The following ARHGAP15 variants were observed in gnomAD, a reference collection of about 807,000 sequenced individuals.
The protein encoded by ARHGAP15 is Rho GTPase activating protein 15, also known as rho GTPase-activating protein 15.
In ARHGAP15, 51 loss-of-function variants were observed where a neutral mutation model predicts 63.7. The ratio of observed to expected loss-of-function variants is 0.80; its 90% CI spans 0.64 to 1.01. The LOEUF (loss-of-function observed/expected upper bound fraction) is 1.01, where lower values mean the gene tolerates loss of function less well. Ranked by LOEUF, ARHGAP15 falls within the 50% of genes least tolerant of loss-of-function variation. The pLI is 0.00. For synonymous variants in ARHGAP15, 191 were observed against 193.8 expected, an observed-to-expected ratio of 0.99 and a Z score of 0.12; for missense variants, 560 against 564.6, an observed-to-expected ratio of 0.99 and a Z score of 0.08.
intron 6 of ARHGAP15, among the ~76,000 whole-genome samples, chr2:143,307,378 T>G (rs1683222706): frequency 6.6e-6 from 1 of 152,164 alleles, no homozygotes; most frequent in Admixed American, 6.6e-5. Flanking sequence ...GGTTATAATT[T>G]TGGATACCAT....
chr2:143,627,336 A>G (rs2105247232), intron 12 of ARHGAP15, among the ~76,000 whole-genome samples: 1 of 152,306 alleles, frequency 6.6e-6, no homozygotes, highest in Admixed American at 6.5e-5. Context: ...AGAGACGTAC[A>G]TTTACTAACC....
intron 13 of ARHGAP15, among the ~76,000 whole-genome samples, chr2:143,746,171 G>A (rs988979158): frequency 3.3e-5 from 5 of 151,978 alleles, no homozygotes; most frequent in East Asian, 1.9e-4. Context: ...TTTTCAACAC[G>A]AACCTCATGA....
intron 12 of ARHGAP15, chr2:143,648,725 T>C (rs796761399): frequency 2.6e-5 from 4 of 152,128 alleles, no homozygotes; most frequent in African/African-American, 4.8e-5. Flanking sequence ...GTATCCAGTA[T>C]GGTAGCAGAG....
chr2:143,409,493 C>T (rs971234241), intron 6 of ARHGAP15, among the ~76,000 whole-genome samples: 13 of 151,924 alleles, frequency 8.6e-5, no homozygotes, highest in Admixed American at 5.9e-4. Context: ...TTCATGTTAA[C>T]GTTACATGAT....
At chr2:143,688,019 A>C (rs1683426720) in intron 12 of ARHGAP15, among the ~76,000 whole-genome samples, 1 of 152,220 alleles carries the variant, frequency 6.6e-6, no homozygotes, top group East Asian at 1.9e-4. Flanking sequence ...TTTACAGAAA[A>C]GTGAAAAGAA....
At chr2:143,557,804 A>G (rs1365812497) in intron 11 of ARHGAP15, among the ~76,000 whole-genome samples, 1 of 152,104 alleles carries the variant, frequency 6.6e-6, no homozygotes, top group Non-Finnish European at 1.5e-5. Context: ...TATTAATTCG[A>G]AAAGTAAAAA....
At chr2:143,748,632 G>A (rs140251511) in intron 13 of ARHGAP15, among the ~76,000 whole-genome samples, 118 of 152,246 alleles carry the variant, frequency 7.8e-4, no homozygotes, top group Non-Finnish European at 1.4e-3. Context: ...CTTGGTAGGC[G>A]GAGTATATCT....
intron 2 of ARHGAP15, among the ~76,000 whole-genome samples, chr2:143,160,667 T>C (rs542168861): frequency 6.6e-6 from 1 of 152,104 alleles, no homozygotes; most frequent in South Asian, 2.1e-4. Context: ...AGACATGCTG[T>C]AGAACAGATG....
chr2:143,533,522 A>C (rs982742637), intron 10 of ARHGAP15, among the ~76,000 whole-genome samples: 3 of 152,042 alleles, frequency 2.0e-5, no homozygotes. Flanking sequence ...CCTTATTCAC[A>C]CTTTTGAGTA....
At chr2:143,531,998 ATTG>A (rs770430920) in intron 10 of ARHGAP15, among the ~76,000 whole-genome samples, 10 of 152,210 alleles carry the variant, frequency 6.6e-5, no homozygotes, top group Non-Finnish European at 1.3e-4. Context: ...CAAGATCTCT[ATTG>A]TTGTATACAG....
chr2:143,588,932 C>T (rs182738679), intron 11 of ARHGAP15, among the ~76,000 whole-genome samples: 75 of 152,204 alleles, frequency 4.9e-4, no homozygotes, highest in Non-Finnish European at 9.0e-4. Context: ...TTTTTATAAC[C>T]TACTTCCTGA....
At chr2:143,605,584 G>A (rs929502105) in intron 11 of ARHGAP15, among the ~76,000 whole-genome samples, 1 of 151,992 alleles carries the variant, frequency 6.6e-6, no homozygotes, top group Non-Finnish European at 1.5e-5. Flanking sequence ...CCTAGCAAAT[G>A]ATCCCTAGCT....
At chr2:143,160,623 G>A (rs536198645) in intron 2 of ARHGAP15, among the ~76,000 whole-genome samples, 2 of 151,938 alleles carry the variant, frequency 1.3e-5, no homozygotes, top group African/African-American at 4.8e-5. Context: ...AAACAAATAA[G>A]CATGAAATTC....
chr2:143,750,233 A>G (rs906602783), intron 13 of ARHGAP15, among the ~76,000 whole-genome samples: 9 of 152,218 alleles, frequency 5.9e-5, no homozygotes, highest in Non-Finnish European at 1.3e-4. Context: ...TGAGGTCAGG[A>G]GTTCGAGACC....
intron 13 of ARHGAP15, among the ~76,000 whole-genome samples, chr2:143,754,307 C>T (rs899902672): frequency 6.6e-6 from 1 of 152,198 alleles, no homozygotes; most frequent in Non-Finnish European, 1.5e-5. Context: ...AGTCCTTGTG[C>T]TTACGGCATT....
At chr2:143,416,555 C>G (rs1394177331) in intron 6 of ARHGAP15, among the ~76,000 whole-genome samples, 3 of 152,134 alleles carry the variant, frequency 2.0e-5, no homozygotes, top group Non-Finnish European at 4.4e-5. Flanking sequence ...TTGTTGTTGT[C>G]AATTTGCTTT....
chr2:143,622,916 T>C (rs1031554816), intron 11 of ARHGAP15, among the ~76,000 whole-genome samples: 9 of 152,150 alleles, frequency 5.9e-5, no homozygotes, highest in Admixed American at 1.3e-4. Context: ...TTCTTACATT[T>C]TGGTGCAAAA....
rs1052735137 is a variant in ARHGAP15, at chr2:143,661,186, C to T, written c.1138+36919C>T. 2.0e-5 allele frequency among the ~76,000 whole-genome samples: 3 copies of T among 152,180 alleles called. No homozygotes were observed. In the South Asian group the frequency reaches 6.2e-4, roughly 31 times the overall value. Reference sequence around the variant, plus strand: ...AAGACCAATGTGATCAGATCAGGCCCACCCCAATAATCCAGGATAATCTCC... The same window carrying T: ...AAGACCAATGTGATCAGATCAGGCCTACCCCAATAATCCAGGATAATCTCC... On this transcript the variant is annotated intron_variant, in intron 12 of 13. Coordinates refer to ENST00000295095, the MANE Select transcript of ARHGAP15 (RefSeq NM_018460.4).
intron 6 of ARHGAP15, among the ~76,000 whole-genome samples, chr2:143,339,398 T>TC (rs1684952517): frequency 6.6e-6 from 1 of 152,106 alleles, no homozygotes; most frequent in South Asian, 2.1e-4. Flanking sequence ...CTTTTGATAG[T>TC]CAGATACAGG....
Sources: gnomAD v4.1 joint callset for allele counts (sites outside exome capture counted in the v4.1 genomes callset) on GRCh38, gnomAD v4.1.1 for gene constraint, MANE v1.5 for transcripts, NCBI Gene and HGNC (gene_info 2026-07-23, HGNC 2026-07-21) for gene names.